The following ALDH2 variants were observed in gnomAD, a reference collection of about 807,000 sequenced individuals.
ALDH2 encodes the protein aldehyde dehydrogenase 2 family member.
Under a neutral mutation model 59.6 loss-of-function variants are expected in ALDH2, and 44 were observed. The ratio of observed to expected loss-of-function variants is 0.74; its 90% CI spans 0.58 to 0.95. The LOEUF is 0.95. Among genes scored for constraint, ALDH2 ranks in the 40% least tolerant of loss-of-function variants. The pLI, the probability that ALDH2 is intolerant of heterozygous loss-of-function variation, is 0.00. For synonymous variants in ALDH2, 291 were observed against 284.0 expected, an observed-to-expected ratio of 1.02 and a Z score of -0.25; for missense variants, 570 against 696.3, an observed-to-expected ratio of 0.82 and a Z score of 2.04.
rs1156259069 is a variant in ALDH2, at chr12:111,799,975, TC to T, written c.1320del (p.Thr441ArgfsTer65). On this transcript the variant is annotated frameshift_variant, in exon 11 of 13. Coordinates refer to ENST00000261733, the MANE Select transcript of ALDH2 (RefSeq NM_000690.4). LOFTEE classifies it high-confidence loss of function. ...GGAGGTTGTTGGGAGAGCCAACAAT[TC>T]CACGTACGGGCTGGCCGCAGCTGTC... is the stretch of plus-strand genomic sequence containing the variant. The part of the protein sequence containing the change: ...IEEVVGRANN[S>X]TYGLAAAVFT... 6.2e-7 allele frequency: 1 copy of T among 1,613,924 alleles called. No homozygotes were observed. The highest frequency in any genetic ancestry group is 2.2e-5 in the East Asian group (1 of 44,898).
At position 111,803,845 on chromosome 12, in the gene ALDH2, G is replaced by A. The variant is rs1430267683; in HGVS notation, c.1407-14G>A. The A allele has an allele frequency of 8.2e-6, 13 of 1,590,012 alleles. No homozygotes were observed. The highest frequency in any genetic ancestry group is 3.4e-5 in the South Asian group (3 of 88,700). On this transcript the variant is annotated splice_polypyrimidine_tract_variant and intron_variant, in intron 11 of 12. Transcript: ENST00000261733. ...CCCCAAGAGTGATTTCTGCAATCTCGTTTCAAATTACAGGGTCAACTGCTA... is the reference window on the plus strand; with the variant it reads ...CCCCAAGAGTGATTTCTGCAATCTCATTTCAAATTACAGGGTCAACTGCTA...
chr12:111,806,532 G>A (rs1027812598), intron 12 of ALDH2, among the ~76,000 whole-genome samples: 2 of 152,198 alleles, frequency 1.3e-5, no homozygotes, highest in East Asian at 1.9e-4. Context: ...AAAGGCAAAC[G>A]GGACTCATTC....
At chr12:111,809,481 G>A in intron 12 of ALDH2, 62 bp from the exon 13 acceptor site, 1 of 1,593,540 alleles carries the variant, frequency 6.3e-7, no homozygotes, top group Admixed American at 1.7e-5. Flanking sequence ...GCTCCTAGCT[G>A]AGGGGACCTA....
Position 111,809,604 on chromosome 12 carries a change from T to C in ALDH2, c.*29T>C, listed in dbSNP as rs751588480. 6.8e-6 allele frequency: 11 copies of C among 1,612,884 alleles called. No individual in the cohort carries two copies. The African/African-American group carries it at 1.5e-4, about 22-fold the overall frequency. On this transcript the variant is annotated 3_prime_UTR_variant, in exon 13 of 13. Transcript: ENST00000261733. ...TCATGCAAGCTTCCTCCCTCAGCCA[T>C]TGATGGAAAGTTCAGCAAGATCAGC...
At chr12:111,797,063 G>T (rs1299036285) in intron 9 of ALDH2, among the ~76,000 whole-genome samples, 1 of 151,390 alleles carries the variant, frequency 6.6e-6, no homozygotes, top group Non-Finnish European at 1.5e-5. Flanking sequence ...TGGTTCAAGC[G>T]ATTCTCCTGC....
intron 11 of ALDH2, among the ~76,000 whole-genome samples, chr12:111,802,445 G>A (rs558776633): frequency 1.3e-5 from 2 of 151,644 alleles, no homozygotes; most frequent in Admixed American, 6.6e-5. Flanking sequence ...GCCGGGCGCA[G>A]TGGTGGGCAC....
chr12:111,794,706 T>C (rs1246693408), intron 9 of ALDH2, among the ~76,000 whole-genome samples: 2 of 151,966 alleles, frequency 1.3e-5, no homozygotes, highest in African/African-American at 2.4e-5. Flanking sequence ...GAGGTCTTGC[T>C]ATGTTACCCA....
intron 1 of ALDH2, among the ~76,000 whole-genome samples, chr12:111,781,219 G>T (rs899901950): frequency 2.6e-5 from 4 of 152,200 alleles, no homozygotes; most frequent in African/African-American, 9.6e-5. Flanking sequence ...ATTCCTTCTA[G>T]GGAGAAGGGG....
chr12:111,791,430 C>G lies in ALDH2; in HGVS notation c.795+11C>G. 6.2e-7 allele frequency: 1 copy of G among 1,600,392 alleles called. No individual in the cohort carries two copies. The highest frequency in any genetic ancestry group is 2.2e-5 in the East Asian group (1 of 44,524). On this transcript the variant is annotated intron_variant, in intron 7 of 12. Coordinates refer to ENST00000261733, the MANE Select transcript of ALDH2 (RefSeq NM_000690.4). ...ACAGGCTCCACTGAGGTAAGGTGAC[C>G]CTGGCCTCAAGCTTGCAGCCTCCTT...
At chr12:111,788,900 G>A (rs980457838) in intron 4 of ALDH2, among the ~76,000 whole-genome samples, 1 of 152,146 alleles carries the variant, frequency 6.6e-6, no homozygotes, top group Non-Finnish European at 1.5e-5. Flanking sequence ...AGCTACTCAG[G>A]AGGCTAAGGT....
intron 9 of ALDH2, among the ~76,000 whole-genome samples, chr12:111,793,543 C>A (rs532689617): frequency 2.0e-5 from 3 of 151,916 alleles, no homozygotes; most frequent in Non-Finnish European, 4.4e-5. Context: ...TGAGCCAATA[C>A]TGGTACCTTA....
chr12:111,815,825 C>T lies in ALDH2; in HGVS notation c.*6250C>T, dbSNP rs2068566612. 2 of 146,928 alleles carry T rather than the reference C, an allele frequency of 1.4e-5. No individual in the cohort carries two copies. Among genetic ancestry groups the T allele is most frequent in the African/African-American group, 5.1e-5 (2 of 39,498 alleles). The allele number at this position is 146,928 out of a possible 1,614,324, so 9.1% of individuals were successfully genotyped here. A position where few individuals can be genotyped will look rare whatever the true frequency, so the allele number is the denominator to read the frequency against. On this transcript the variant is annotated 3_prime_UTR_variant, in exon 13 of 13. Coordinates refer to ENST00000261733, the MANE Select transcript of ALDH2 (RefSeq NM_000690.4). Reference sequence around the variant, plus strand: ...AGAGAGAGAGAGAGATGGAGTCTTGCTATGTTGCTCAGGCTGGTCTCGAAC... The same window carrying T: ...AGAGAGAGAGAGAGATGGAGTCTTGTTATGTTGCTCAGGCTGGTCTCGAAC...
At chr12:111,776,226 C>T (rs2068233444) in intron 1 of ALDH2, among the ~76,000 whole-genome samples, 1 of 152,146 alleles carries the variant, frequency 6.6e-6, no homozygotes, top group South Asian at 2.1e-4. Context: ...ATTTAGTATG[C>T]TTTGGTGCAG....
intron 11 of ALDH2, among the ~76,000 whole-genome samples, chr12:111,803,655 G>T (rs185995403): frequency 6.6e-6 from 1 of 151,650 alleles, no homozygotes; most frequent in East Asian, 2.0e-4. Context: ...AGAATCTCTT[G>T]AACCCCAGAT....
At chr12:111,792,503 C>G in intron 8 of ALDH2, 95 bp from the exon 9 acceptor site, 2 of 1,389,490 alleles carry the variant, frequency 1.4e-6, no homozygotes, top group Non-Finnish European at 1.9e-6. Flanking sequence ...TCAACCCTTA[C>G]AGTGGTGGGA....
At position 111,766,947 on chromosome 12, in the gene ALDH2, G is replaced by A. The variant is rs764415326; in HGVS notation, c.-36G>A. The A allele has an allele frequency of 3.7e-5, 55 of 1,504,914 alleles. No individual in the cohort carries two copies. The highest frequency in any genetic ancestry group is 2.3e-4 in the Middle Eastern group (1 of 4,348). The allele number at this position is 1,504,914 out of a possible 1,614,324, so 93.2% of individuals were successfully genotyped here. A position where few individuals can be genotyped will look rare whatever the true frequency, so the allele number is the denominator to read the frequency against. On this transcript the variant is annotated 5_prime_UTR_variant, in exon 1 of 13. Transcript: ENST00000261733. ...TCAGTGGCCCTGAGACCCTAGCTCTGCTCTCGGTCCGCTCGCTGTCCGCTA... is the reference window on the plus strand; with the variant it reads ...TCAGTGGCCCTGAGACCCTAGCTCTACTCTCGGTCCGCTCGCTGTCCGCTA...
chr12:111,808,022 G>C (rs944003860), intron 12 of ALDH2, among the ~76,000 whole-genome samples: 1 of 151,806 alleles, frequency 6.6e-6, no homozygotes, highest in Non-Finnish European at 1.5e-5. Flanking sequence ...GATTACAGGC[G>C]CCTGCCACCA....
At chr12:111,785,208 C>A in intron 3 of ALDH2, 59 bp from the exon 4 acceptor site, 1 of 1,403,652 alleles carries the variant, frequency 7.1e-7, no homozygotes, top group Non-Finnish European at 1.0e-6. Flanking sequence ...CCTCTGTCAG[C>A]CCTTTGTTTT....
Position 111,791,369 on chromosome 12 carries a change from A to G in ALDH2, c.745A>G (p.Ile249Val), listed in dbSNP as rs1593079398. 2.5e-6 allele frequency: 4 copies of G among 1,614,046 alleles called. No individual in the cohort carries two copies. The highest frequency in any genetic ancestry group is 2.2e-5 in the East Asian group (1 of 44,882). The part of the protein sequence containing the change: ...PGFGPTAGAA[I>V]ASHEDVDKVA... The stretch of plus-strand genomic sequence containing the variant: ...ATTTGGCCCCACGGCTGGGGCCGCC[A>G]TTGCCTCCCATGAGGATGTGGACAA... The change falls in exon 7 of 13, where the codon ATT (isoleucine) becomes GTT (valine). Residue 249 changes from isoleucine (I) to valine (V), a missense_variant. Coordinates refer to ENST00000261733, the MANE Select transcript of ALDH2 (RefSeq NM_000690.4).
Sources: allele counts gnomAD v4.1 joint callset (sites outside exome capture counted in the v4.1 genomes callset), GRCh38; gene constraint gnomAD v4.1.1; transcripts MANE v1.5; gene names NCBI Gene and HGNC (gene_info 2026-07-23, HGNC 2026-07-21).